CUBN: variants seen among roughly 807,000 people sequenced by gnomAD.
CUBN encodes the protein 460 kDa receptor.
Under a neutral mutation model 405.3 loss-of-function variants are expected in CUBN, and 282 were observed. The ratio of observed to expected loss-of-function variants is 0.70; its 90% CI spans 0.63 to 0.77. CUBN has a LOEUF of 0.77. Among genes scored for constraint, CUBN ranks in the 30% least tolerant of loss-of-function variants. The pLI is 0.00. For synonymous variants in CUBN, 1,684 were observed against 1,617.0 expected, an observed-to-expected ratio of 1.04 and a Z score of -0.99; for missense variants, 4,514 against 4,475.2, an observed-to-expected ratio of 1.01 and a Z score of -0.25.
chr10:16,971,117 C>T (rs1261279052), intron 31 of CUBN, among the ~76,000 whole-genome samples: 1 of 152,182 alleles, frequency 6.6e-6, no homozygotes, highest in African/African-American at 2.4e-5. Flanking sequence ...ATCTCCTGAA[C>T]CCCAACATTA....
At chr10:16,829,525 G>A (rs867053145) in intron 65 of CUBN, among the ~76,000 whole-genome samples, 5 of 152,084 alleles carry the variant, frequency 3.3e-5, no homozygotes, top group African/African-American at 1.2e-4. Flanking sequence ...TGTAGGTGAC[G>A]GCAGGAATGA....
At chr10:17,016,243 C>T (rs1254853791) in intron 28 of CUBN, among the ~76,000 whole-genome samples, 1 of 152,004 alleles carries the variant, frequency 6.6e-6, no homozygotes, top group African/African-American at 2.4e-5. Context: ...TGGGCTTTTT[C>T]CTAATTCTCC....
At chr10:17,106,112 C>T (rs1348675807) in intron 10 of CUBN, among the ~76,000 whole-genome samples, 3 of 151,696 alleles carry the variant, frequency 2.0e-5, no homozygotes, top group Non-Finnish European at 2.9e-5. Flanking sequence ...TGGAGAAACC[C>T]TGTCTCTACT....
chr10:16,930,925 T>G (rs1842344906), intron 40 of CUBN, among the ~76,000 whole-genome samples: 1 of 152,182 alleles, frequency 6.6e-6, no homozygotes, highest in Non-Finnish European at 1.5e-5. Flanking sequence ...AGCAAAAGGC[T>G]GGCTGGGCAA....
chr10:16,974,554 G>A (rs934007820), intron 31 of CUBN, among the ~76,000 whole-genome samples: 89 of 151,486 alleles, frequency 5.9e-4, no homozygotes, highest in African/African-American at 2.1e-3. Context: ...TATATTTTTA[G>A]TAGAGACGGG....
intron 41 of CUBN, among the ~76,000 whole-genome samples, chr10:16,927,089 C>T (rs1842213705): frequency 6.6e-6 from 1 of 151,890 alleles, no homozygotes; most frequent in South Asian, 2.1e-4. Context: ...CATAGACACA[C>T]ACACATATTT....
chr10:17,126,988 C>T (rs963678534), intron 3 of CUBN, among the ~76,000 whole-genome samples, 189 bp from the exon 4 acceptor site: 7 of 152,068 alleles, frequency 4.6e-5, no homozygotes, highest in Non-Finnish European at 7.4e-5. Context: ...CCTCCTATCA[C>T]ATAGATTTCT....
At chr10:16,841,241 C>T (rs937356941) in intron 60 of CUBN, among the ~76,000 whole-genome samples, 194 bp from the exon 61 acceptor site, 12 of 152,094 alleles carry the variant, frequency 7.9e-5, no homozygotes, top group Middle Eastern at 3.4e-3. Flanking sequence ...CCTGTTATGA[C>T]GCCTAACATT....
chr10:17,088,025 G>C (rs1222419831), intron 15 of CUBN, 139 bp downstream of exon 15: 2 of 669,006 alleles, frequency 3.0e-6, no homozygotes, highest in African/African-American at 1.8e-5. Context: ...GACTTTGCAA[G>C]AGTTAGATAT....
At chr10:16,966,397 G>A (rs918565091) in intron 31 of CUBN, among the ~76,000 whole-genome samples, 9 of 151,892 alleles carry the variant, frequency 5.9e-5, no homozygotes, top group Admixed American at 3.3e-4. Flanking sequence ...TGGTCCAACC[G>A]CCATTCTCTG....
In CUBN at chr10:16,954,396, G is replaced by A; in HGVS notation, c.4848C>T (p.Phe1616=). Reference sequence around the variant, plus strand: ...GATCCACAGGGTACTTGCCTTGCCTGAATTGAGCTCGGAAGCCTCTGTTCT... The same window carrying A: ...GATCCACAGGGTACTTGCCTTGCCTAAATTGAGCTCGGAAGCCTCTGTTCT... ...SRQNRGFRAQ[F]RQACGGHILT... Residue 1616 remains phenylalanine (F), a synonymous_variant, in exon 32 of 67, where the codon TTC becomes TTT. Coordinates refer to ENST00000377833, the MANE Select transcript of CUBN (RefSeq NM_001081.4). 6.2e-7 allele frequency: 1 copy of A among 1,614,160 alleles called. No homozygotes were observed. Among genetic ancestry groups the A allele is most frequent in the Non-Finnish European group, 8.5e-7 (1 of 1,180,014 alleles).
chr10:16,890,289 C>T, intron 55 of CUBN, 82 bp downstream of exon 55: 1 of 1,404,542 alleles, frequency 7.1e-7, no homozygotes, highest in South Asian at 1.2e-5. Context: ...TCCCCTAGAC[C>T]CCCAGGTTTA....
intron 64 of CUBN, among the ~76,000 whole-genome samples, chr10:16,832,419 C>T (rs1440846961): frequency 6.6e-6 from 1 of 151,944 alleles, no homozygotes; most frequent in East Asian, 1.9e-4. Flanking sequence ...CCTTTTAGGT[C>T]GATGTAGTAG....
intron 60 of CUBN, among the ~76,000 whole-genome samples, chr10:16,849,935 C>T (rs1363472088): frequency 5.9e-5 from 9 of 152,176 alleles, no homozygotes; most frequent in Admixed American, 5.2e-4. Flanking sequence ...TTTCAGGATC[C>T]TTTGTAATCT....
chr10:16,885,962 A>G (rs1840800460), intron 56 of CUBN, among the ~76,000 whole-genome samples: 1 of 152,228 alleles, frequency 6.6e-6, no homozygotes, highest in African/African-American at 2.4e-5. Context: ...CTCTTAATGT[A>G]CTGGTTAATA....
intron 39 of CUBN, 49 bp downstream of exon 39, chr10:16,937,543 G>A: frequency 6.7e-7 from 1 of 1,499,214 alleles, no homozygotes; most frequent in South Asian, 1.1e-5. Context: ...TGAAACATTG[G>A]CCTGCACATA....
intron 43 of CUBN, 83 bp downstream of exon 43, chr10:16,925,158 T>C (rs1842146113): frequency 1.9e-6 from 2 of 1,080,142 alleles, no homozygotes; most frequent in Non-Finnish European, 2.8e-6. Flanking sequence ...CTATTACTGT[T>C]GGTTCAGAAA....
intron 6 of CUBN, chr10:17,121,970 T>G (rs1375137733): frequency 6.6e-6 from 1 of 152,196 alleles, no homozygotes; most frequent in African/African-American, 2.4e-5. Context: ...AAAGACACTG[T>G]CTAGTTTAAA....
At chr10:17,057,200 C>T (rs897055672) in intron 22 of CUBN, among the ~76,000 whole-genome samples, 7 of 152,120 alleles carry the variant, frequency 4.6e-5, no homozygotes, top group Non-Finnish European at 1.0e-4. Context: ...TGTTCCAGCT[C>T]CGTGACTGCT....
Sources: allele counts gnomAD v4.1 joint callset (sites outside exome capture counted in the v4.1 genomes callset), GRCh38; gene constraint gnomAD v4.1.1; transcripts MANE v1.5; gene names NCBI Gene and HGNC (gene_info 2026-07-23, HGNC 2026-07-21).